The following SPOCK1 variants were observed in gnomAD, a reference collection of about 807,000 sequenced individuals.
SPOCK1 encodes SPARC (osteonectin), cwcv and kazal like domains proteoglycan 1, also known as testican-1.
SPOCK1 carries 23 observed loss-of-function variants against 55.3 expected under a neutral mutation model. The observed-to-expected ratio is 0.42, with a 90% CI of 0.30 to 0.59. SPOCK1 has a LOEUF of 0.59. Among genes scored for constraint, SPOCK1 ranks in the 20% least tolerant of loss-of-function variants. SPOCK1 has a pLI of 0.22. For missense variants in SPOCK1, 499 were observed against 552.5 expected (o/e 0.90, Z 0.97); for synonymous variants, 226 against 221.0 (o/e 1.02, Z -0.20).
At chr5:137,258,573 T>C (rs1019329609) in intron 3 of SPOCK1, among the ~76,000 whole-genome samples, 1 of 152,238 alleles carries the variant, frequency 6.6e-6, no homozygotes, top group African/African-American at 2.4e-5. Context: ...TTTTCCCTAT[T>C]GAGAATTTTC....
intron 4 of SPOCK1, among the ~76,000 whole-genome samples, chr5:137,131,058 C>T (rs1477739315): frequency 1.1e-4 from 17 of 152,176 alleles, no homozygotes; most frequent in Admixed American, 1.1e-3. Flanking sequence ...GCCCAGAATC[C>T]ACAAGGCCAG....
intron 2 of SPOCK1, among the ~76,000 whole-genome samples, chr5:137,410,365 T>G (rs1007890605): frequency 1.3e-5 from 2 of 152,186 alleles, no homozygotes; most frequent in Non-Finnish European, 2.9e-5. Context: ...GATCAAGATG[T>G]TAAGGGGAAC....
chr5:137,211,159 G>A (rs1698865012), intron 3 of SPOCK1, among the ~76,000 whole-genome samples: 2 of 152,204 alleles, frequency 1.3e-5, no homozygotes, highest in East Asian at 1.9e-4. Flanking sequence ...CAGAGGTCCA[G>A]GGAGGTAAAG....
At position 137,311,971 on chromosome 5, in the gene SPOCK1, T is replaced by C. The variant is rs1246300470; in HGVS notation, c.187-44916A>G. Among the ~76,000 whole-genome samples the C allele has an allele frequency of 2.6e-4, 39 of 152,270 alleles. 1 individual carries two copies. On this transcript the variant is annotated intron_variant, in intron 2 of 10. Coordinates refer to ENST00000394945, the MANE Select transcript of SPOCK1 (RefSeq NM_004598.4). ...ATTTACTTAGCTCGCCTGAATTAAT[T>C]AGGCTTTACTGTCTGACAAAAGTTA...
In SPOCK1 at chr5:136,994,716, A is replaced by C. The variant is rs1751009042; in HGVS notation, c.590-2116T>G. Among the ~76,000 whole-genome samples, 3 of 151,534 alleles carry C rather than the reference A, an allele frequency of 2.0e-5. No homozygotes were observed. In the Admixed American group the frequency reaches 2.0e-4, roughly 10 times the overall value. ...CAATTAGCCATATATGGCTATTTACATTAATTAAAATTTAGGCCAGGTGCG... is the reference window on the plus strand; with the variant it reads ...CAATTAGCCATATATGGCTATTTACCTTAATTAAAATTTAGGCCAGGTGCG... On this transcript the variant is annotated intron_variant, in intron 6 of 10. Transcript: ENST00000394945.
chr5:137,241,373 A>G (rs1756277197), intron 3 of SPOCK1, among the ~76,000 whole-genome samples: 1 of 152,228 alleles, frequency 6.6e-6, no homozygotes, highest in Non-Finnish European at 1.5e-5. Flanking sequence ...AGCTTCCAGA[A>G]GTTAACAAAT....
intron 5 of SPOCK1, among the ~76,000 whole-genome samples, chr5:137,109,579 C>T (rs1753429351): frequency 6.6e-6 from 1 of 152,188 alleles, no homozygotes; most frequent in South Asian, 2.1e-4. Context: ...TCCCTCCAGC[C>T]TGGAATTGCC....
chr5:137,112,599 T>C, intron 4 of SPOCK1, 38 bp from the exon 5 acceptor site: 2 of 1,605,508 alleles, frequency 1.2e-6, no homozygotes, highest in Non-Finnish European at 8.5e-7. Context: ...TAGTTGAAGC[T>C]CCAGACCCTA....
chr5:137,447,065 T>G (rs183226530), intron 2 of SPOCK1, among the ~76,000 whole-genome samples: 42 of 152,348 alleles, frequency 2.8e-4, no homozygotes, highest in Middle Eastern at 3.4e-3. Flanking sequence ...CAGTGCACTC[T>G]TGGATTGTTT....
intron 2 of SPOCK1, among the ~76,000 whole-genome samples, chr5:137,446,878 T>C (rs1753141368): frequency 6.6e-6 from 1 of 152,252 alleles, no homozygotes; most frequent in Non-Finnish European, 1.5e-5. Flanking sequence ...CTACTTTAGA[T>C]ACTGCATAAA....
rs1435755292 is a variant in SPOCK1 at position 136,988,453 on chromosome 5, A to G, written c.897T>C (p.Asn299=). 1 of 1,613,950 alleles carries G rather than the reference A, an allele frequency of 6.2e-7. No individual in the cohort carries two copies. Among genetic ancestry groups the G allele is most frequent in the Non-Finnish European group, 8.5e-7 (1 of 1,179,996 alleles). Residue 299 remains asparagine, a synonymous_variant, in exon 8 of 11, where the codon AAT becomes AAC. Coordinates refer to ENST00000394945, the MANE Select transcript of SPOCK1 (RefSeq NM_004598.4). Reference sequence around the variant, plus strand: ...GCTTCTGGAAGCAGTAGCACCACTCATTGTTAGAAAGCTTGCCATCCTTGA... The same window carrying G: ...GCTTCTGGAAGCAGTAGCACCACTCGTTGTTAGAAAGCTTGCCATCCTTGA... The part of the protein sequence containing the change: ...DSFKDGKLSN[N]EWCYCFQKPG...
intron 8 of SPOCK1, among the ~76,000 whole-genome samples, chr5:136,986,950 C>T (rs1193973877): frequency 1.3e-5 from 2 of 151,938 alleles, no homozygotes; most frequent in Non-Finnish European, 2.9e-5. Flanking sequence ...TACTAATATC[C>T]AGGAAAATTC....
chr5:137,407,156 C>T (rs1387428588), intron 2 of SPOCK1, among the ~76,000 whole-genome samples: 1 of 152,204 alleles, frequency 6.6e-6, no homozygotes, highest in Non-Finnish European at 1.5e-5. Flanking sequence ...GACATAATTT[C>T]ATGGTCTGGA....
In SPOCK1 at chr5:137,132,003, T is replaced by A. The variant is rs1286008012; in HGVS notation, c.347+8577A>T. ...AAAAAAAAAAAAATATATATATATA[T>A]ATATATATATATATATAAAAAATTA... On this transcript the variant is annotated intron_variant, in intron 4 of 10. Transcript: ENST00000394945. 5.0e-3 allele frequency among the ~76,000 whole-genome samples: 364 copies of A among 72,102 alleles called. 8 individuals carry two copies. Among genetic ancestry groups the A allele is most frequent in the African/African-American group, 0.011 (157 of 14,846 alleles). The allele number at this position is 72,102 out of a possible 152,430, so 47.3% of individuals were successfully genotyped here.
chr5:137,302,576 CAAAAAATAAATA>C lies in SPOCK1; in HGVS notation c.187-35533_187-35522del, dbSNP rs1338618514. ...TGGGCAACAGAGTGAGACTCCATCT[CAAAAAATAAATA>C]AATAAATAAATAAATAAATAAATAA... On this transcript the variant is annotated intron_variant, in intron 2 of 10. Transcript: ENST00000394945. Among the ~76,000 whole-genome samples the C allele has an allele frequency of 4.2e-3, 541 of 128,622 alleles. 5 individuals carry two copies. Among genetic ancestry groups the C allele is most frequent in the Non-Finnish European group, 6.4e-3 (388 of 61,012 alleles). The allele number at this position is 128,622 out of a possible 152,430, so 84.4% of individuals were successfully genotyped here. A position where few individuals can be genotyped will look rare whatever the true frequency, so the allele number is the denominator to read the frequency against.
chr5:137,384,532 A>C (rs72796540), intron 2 of SPOCK1, among the ~76,000 whole-genome samples: 1 of 151,784 alleles, frequency 6.6e-6, no homozygotes, highest in Non-Finnish European at 1.5e-5. Context: ...GCATGCATGC[A>C]TATGTATATA....
chr5:137,241,180 T>A (rs909408013), intron 3 of SPOCK1, among the ~76,000 whole-genome samples: 3 of 152,032 alleles, frequency 2.0e-5, no homozygotes, highest in African/African-American at 7.2e-5. Flanking sequence ...AACCTCAAAG[T>A]GGAAAAGGCC....
intron 6 of SPOCK1, among the ~76,000 whole-genome samples, chr5:137,052,686 A>AT (rs1213006607): frequency 6.6e-5 from 10 of 152,232 alleles, no homozygotes; most frequent in Admixed American, 3.3e-4. Flanking sequence ...ATTGAACACC[A>AT]TGCAGCCATT....
chr5:137,250,596 C>T (rs1282476937), intron 3 of SPOCK1, among the ~76,000 whole-genome samples: 1 of 152,184 alleles, frequency 6.6e-6, no homozygotes, highest in Non-Finnish European at 1.5e-5. Flanking sequence ...CACTGCCTGC[C>T]AACACGAGCT....
Sources: gnomAD v4.1 joint callset for allele counts (sites outside exome capture counted in the v4.1 genomes callset) on GRCh38, gnomAD v4.1.1 for gene constraint, MANE v1.5 for transcripts, NCBI Gene and HGNC (gene_info 2026-07-23, HGNC 2026-07-21) for gene names.